The following FHIT variants were observed in gnomAD, a reference collection of about 807,000 sequenced individuals.
The protein encoded by FHIT is fragile histidine triad diadenosine triphosphatase, also known as bis(5'-adenosyl)-triphosphatase.
FHIT carries 19 observed loss-of-function variants against 17.9 expected under a neutral mutation model. That is an observed-to-expected ratio of 1.06 (90% CI 0.74 to 1.56). FHIT has a LOEUF of 1.56. Ranked by LOEUF, FHIT falls within the 40% of genes most tolerant of loss-of-function variation. The probability of loss-of-function intolerance (pLI) is 0.00; values close to 1 mark genes in which losing one functional copy is unlikely to be tolerated. For missense variants in FHIT, 248 were observed against 189.2 expected (o/e 1.31, Z -1.82); for synonymous variants, 81 against 69.7 (o/e 1.16, Z -0.81).
At chr3:60,409,885 T>C (rs762978892) in intron 5 of FHIT, among the ~76,000 whole-genome samples, 1 of 152,198 alleles carries the variant, frequency 6.6e-6, no homozygotes, top group African/African-American at 2.4e-5. Flanking sequence ...ATATTTGCTA[T>C]GGCTCAAAAA....
chr3:60,558,288 C>G (rs2036812519), intron 4 of FHIT, among the ~76,000 whole-genome samples: 1 of 152,032 alleles, frequency 6.6e-6, no homozygotes, highest in Admixed American at 6.6e-5. Context: ...CTGGCATACA[C>G]ACAGGGCCAC....
intron 3 of FHIT, among the ~76,000 whole-genome samples, chr3:60,899,071 A>G (rs1024586974): frequency 6.6e-6 from 1 of 152,200 alleles, no homozygotes; most frequent in South Asian, 2.1e-4. Context: ...ACATGTAACT[A>G]CTACAGATAA....
intron 5 of FHIT, among the ~76,000 whole-genome samples, chr3:60,309,639 G>C (rs1242832462): frequency 2.0e-5 from 3 of 152,028 alleles, no homozygotes; most frequent in African/African-American, 7.2e-5. Context: ...GAGATCCAAG[G>C]GTTTGAGCTT....
intron 5 of FHIT, among the ~76,000 whole-genome samples, chr3:60,488,936 C>G (rs758741674): frequency 6.6e-6 from 1 of 152,152 alleles, no homozygotes; most frequent in African/African-American, 2.4e-5. Flanking sequence ...ATCTATTCCA[C>G]CTTTTGGAAT....
intron 4 of FHIT, among the ~76,000 whole-genome samples, chr3:60,778,865 C>T (rs1448014461): frequency 6.6e-6 from 1 of 152,130 alleles, no homozygotes; most frequent in Non-Finnish European, 1.5e-5. Flanking sequence ...GGGAAACTGG[C>T]CTCATACTGT....
intron 5 of FHIT, among the ~76,000 whole-genome samples, chr3:60,269,654 C>A (rs889918605): frequency 6.6e-6 from 1 of 152,182 alleles, no homozygotes; most frequent in Non-Finnish European, 1.5e-5. Flanking sequence ...CCAGCATTTG[C>A]TAAGCATTTA....
intron 3 of FHIT, chr3:60,856,259 G>C (rs1251302013): frequency 6.6e-6 from 1 of 152,146 alleles, no homozygotes; most frequent in African/African-American, 2.4e-5. Context: ...CAGATCTGGG[G>C]GGGAAAGGGG....
chr3:60,206,549 C>T (rs1223988496), intron 5 of FHIT, among the ~76,000 whole-genome samples: 1 of 152,136 alleles, frequency 6.6e-6, no homozygotes, highest in African/African-American at 2.4e-5. Context: ...AAACCTAATG[C>T]ATCACAGCTA....
chr3:60,880,677 A>G (rs1704924658), intron 3 of FHIT, among the ~76,000 whole-genome samples: 1 of 152,356 alleles, frequency 6.6e-6, no homozygotes, highest in South Asian at 2.1e-4. Flanking sequence ...GGTTGCAGTG[A>G]GCTGAGATCG....
chr3:60,646,752 A>C (rs937043845), intron 4 of FHIT, among the ~76,000 whole-genome samples: 8 of 152,222 alleles, frequency 5.3e-5, no homozygotes, highest in Non-Finnish European at 1.2e-4. Flanking sequence ...TGACTGGTTA[A>C]GGGTAAAAGT....
chr3:60,388,700 C>T (rs1701109301), intron 5 of FHIT, among the ~76,000 whole-genome samples: 1 of 152,202 alleles, frequency 6.6e-6, no homozygotes, highest in South Asian at 2.1e-4. Flanking sequence ...TCATACATTG[C>T]TACTTACTTT....
intron 3 of FHIT, among the ~76,000 whole-genome samples, chr3:61,018,203 T>C (rs1216813304): frequency 6.6e-6 from 1 of 152,180 alleles, no homozygotes; most frequent in Non-Finnish European, 1.5e-5. Flanking sequence ...ACCTAGTAAG[T>C]GATGGAACCA....
chr3:59,796,427 GTTC>G (rs1230040503), intron 8 of FHIT, among the ~76,000 whole-genome samples: 1 of 152,010 alleles, frequency 6.6e-6, no homozygotes, highest in Non-Finnish European at 1.5e-5. Context: ...TTTCATGTAC[GTTC>G]TTCTTCTGTT....
intron 5 of FHIT, among the ~76,000 whole-genome samples, chr3:60,489,411 CT>C (rs2033972318): frequency 6.6e-6 from 1 of 152,100 alleles, no homozygotes; most frequent in Non-Finnish European, 1.5e-5. Flanking sequence ...ACTTAAACTC[CT>C]TTTAACAAAG....
intron 5 of FHIT, among the ~76,000 whole-genome samples, chr3:60,372,230 G>A (rs1700359660): frequency 6.6e-6 from 1 of 152,086 alleles, no homozygotes; most frequent in Non-Finnish European, 1.5e-5. Context: ...CTCCTTCTGT[G>A]AGAAGTCAGA....
At chr3:61,135,136 T>C (rs896998689) in intron 2 of FHIT, among the ~76,000 whole-genome samples, 2 of 152,082 alleles carry the variant, frequency 1.3e-5, no homozygotes, top group African/African-American at 4.8e-5. Flanking sequence ...AAAGGTAGTG[T>C]TGGTGAGAAC....
Position 60,853,648 on chromosome 3 carries a change from G to A in FHIT, c.-110-31637C>T, listed in dbSNP as rs113032060. ...ATTTGAGGATATCTGGTGTATTTTA[G>A]TGCAATTCTGCCTTTAAGATAAAGT... On this transcript the variant is annotated intron_variant, in intron 3 of 9. Transcript: ENST00000492590. Among the ~76,000 whole-genome samples the A allele has an allele frequency of 5.1e-4, 77 of 152,220 alleles. 1 individual carries two copies. The highest frequency in any genetic ancestry group is 3.4e-3 in the Middle Eastern group (1 of 294).
intron 4 of FHIT, among the ~76,000 whole-genome samples, chr3:60,543,430 G>T (rs750056544): frequency 1.3e-5 from 2 of 152,150 alleles, no homozygotes; most frequent in African/African-American, 2.4e-5. Flanking sequence ...TGGGTGAGGG[G>T]AATGTGACAT....
At chr3:61,069,161 A>AG (rs1233039423) in intron 2 of FHIT, among the ~76,000 whole-genome samples, 1 of 152,160 alleles carries the variant, frequency 6.6e-6, no homozygotes, top group Non-Finnish European at 1.5e-5. Flanking sequence ...TCCAAGAAGG[A>AG]GGGCAGAGTT....
Sources: gnomAD v4.1 joint callset for allele counts (sites outside exome capture counted in the v4.1 genomes callset) on GRCh38, gnomAD v4.1.1 for gene constraint, MANE v1.5 for transcripts, NCBI Gene and HGNC (gene_info 2026-07-23, HGNC 2026-07-21) for gene names.